PHF21B: variants seen among roughly 807,000 people sequenced by gnomAD.
PHF21B encodes the protein PHD finger protein 21B, also known as PHD finger protein 4.
In PHF21B, 22 loss-of-function variants were observed where a neutral mutation model predicts 62.2. That is an observed-to-expected ratio of 0.35 (90% CI 0.25 to 0.51). The LOEUF (loss-of-function observed/expected upper bound fraction) is 0.51, where lower values mean the gene tolerates loss of function less well. PHF21B is among the 20% of genes least tolerant of loss of function. The pLI, the probability that PHF21B is intolerant of heterozygous loss-of-function variation, is 0.97. For missense variants in PHF21B, 701 were observed against 707.9 expected, an observed-to-expected ratio of 0.99 and a Z score of 0.11; for synonymous variants, 341 against 314.7, an observed-to-expected ratio of 1.08 and a Z score of -0.88.
intron 5 of PHF21B, among the ~76,000 whole-genome samples, chr22:44,908,088 C>T (rs957366266): frequency 6.6e-6 from 1 of 152,210 alleles, no homozygotes; most frequent in Non-Finnish European, 1.5e-5. Context: ...TATCGGGCAG[C>T]CTCTTCACGA....
At chr22:44,948,550 G>A (rs2072125609) in intron 2 of PHF21B, among the ~76,000 whole-genome samples, 1 of 152,140 alleles carries the variant, frequency 6.6e-6, no homozygotes, top group Admixed American at 6.5e-5. Flanking sequence ...ATTTAGCTAG[G>A]TGTGGTGGTG....
At chr22:44,948,230 G>T (rs984262360) in intron 2 of PHF21B, among the ~76,000 whole-genome samples, 1 of 152,094 alleles carries the variant, frequency 6.6e-6, no homozygotes, top group African/African-American at 2.4e-5. Flanking sequence ...ATAATTACAC[G>T]ACTCACCATA....
intron 2 of PHF21B, among the ~76,000 whole-genome samples, chr22:44,958,963 G>T (rs116175901): frequency 6.6e-6 from 1 of 151,880 alleles, no homozygotes; most frequent in Non-Finnish European, 1.5e-5. Context: ...ATTTAACTGC[G>T]CAATCTACAT....
At chr22:44,978,610 C>T (rs922129917) in intron 2 of PHF21B, among the ~76,000 whole-genome samples, 29 of 152,346 alleles carry the variant, frequency 1.9e-4, no homozygotes, top group African/African-American at 5.8e-4. Flanking sequence ...CCACCCGCCT[C>T]GGTCTCCCAA....
chr22:44,907,606 C>A (rs944191549), intron 5 of PHF21B, among the ~76,000 whole-genome samples: 9 of 152,194 alleles, frequency 5.9e-5, no homozygotes, highest in Non-Finnish European at 1.3e-4. Flanking sequence ...CACAAAAGGA[C>A]AGGCCCTTCA....
intron 5 of PHF21B, among the ~76,000 whole-genome samples, chr22:44,904,295 T>A (rs533014569): frequency 6.6e-6 from 1 of 152,314 alleles, no homozygotes; most frequent in African/African-American, 2.4e-5. Flanking sequence ...CTGGATTTTT[T>A]TTTTCAGTCT....
intron 5 of PHF21B, among the ~76,000 whole-genome samples, chr22:44,903,101 G>C (rs78538518): frequency 1.3e-5 from 2 of 152,288 alleles, no homozygotes; most frequent in Admixed American, 6.5e-5. Context: ...ATCCCTCCAG[G>C]AGACATATTT....
At chr22:44,905,910 T>C (rs184409851) in intron 5 of PHF21B, among the ~76,000 whole-genome samples, 1 of 152,362 alleles carries the variant, frequency 6.6e-6, no homozygotes, top group East Asian at 1.9e-4. Flanking sequence ...ACAATTTCTT[T>C]CTTTTTCTCT....
chr22:44,933,404 C>T (rs750466684), intron 2 of PHF21B: 26 of 956,384 alleles, frequency 2.7e-5, no homozygotes, highest in African/African-American at 3.5e-5. Context: ...AGCCACTGCG[C>T]TCGGCCTCTT....
chr22:44,891,675 G>A (rs2070968590), intron 7 of PHF21B, among the ~76,000 whole-genome samples: 1 of 152,222 alleles, frequency 6.6e-6, no homozygotes, highest in Non-Finnish European at 1.5e-5. Flanking sequence ...TCAGTCACAT[G>A]GTGCATGTTA....
Position 44,969,665 on chromosome 22 carries a change from CAAAAAAAAAGAA to C in PHF21B, c.120+38868_120+38879del, listed in dbSNP as rs897796454. Among the ~76,000 whole-genome samples the C allele has an allele frequency of 7.2e-4, 107 of 148,362 alleles. 1 individual carries two copies. The highest frequency in any genetic ancestry group is 3.4e-3 in the Middle Eastern group (1 of 294). ...TGGGTCATACAGCGAGACTCAGTCT[CAAAAAAAAAGAA>C]AAAGAAAAAGAAAAATGGAGCCATT... is the stretch of plus-strand genomic sequence containing the variant. On this transcript the variant is annotated intron_variant, in intron 2 of 12. Transcript: ENST00000313237.
intron 10 of PHF21B, among the ~76,000 whole-genome samples, chr22:44,887,093 T>G (rs1601562991): frequency 7.2e-6 from 1 of 138,208 alleles, no homozygotes; most frequent in African/African-American, 2.8e-5. Flanking sequence ...AAGGCAGAGG[T>G]GGCAGTGAGC....
intron 2 of PHF21B, among the ~76,000 whole-genome samples, chr22:44,995,725 C>G (rs1477658500): frequency 6.6e-6 from 1 of 152,084 alleles, no homozygotes; most frequent in Non-Finnish European, 1.5e-5. Flanking sequence ...GGTATGTCGG[C>G]ACCTTCCGAG....
At position 44,916,306 on chromosome 22, in the gene PHF21B, G is replaced by A; in HGVS notation, c.538C>T (p.Pro180Ser). The change falls in exon 4 of 13, where the codon CCC (proline) becomes TCC (serine). Residue 180 changes from proline (P) to serine (S), a missense_variant. Transcript: ENST00000313237. ...TTGTTGTCAGCACTGATGAGGAGGG[G>A]CTGGACTTTGATGCTGTCACTGACC... ...SVVSDSIKVQ[P>S]LLISADNKPP... The A allele has an allele frequency of 1.9e-6, 3 of 1,603,354 alleles. No homozygotes were observed. Among genetic ancestry groups the A allele is most frequent in the Non-Finnish European group, 2.5e-6 (3 of 1,177,840 alleles).
intron 2 of PHF21B, among the ~76,000 whole-genome samples, chr22:45,007,371 G>A (rs2073336227): frequency 1.3e-5 from 2 of 151,004 alleles, no homozygotes; most frequent in South Asian, 4.2e-4. Context: ...CCCTACGCCA[G>A]AAAATCCCCC....
At chr22:44,905,025 T>G (rs1255543558) in intron 5 of PHF21B, among the ~76,000 whole-genome samples, 1 of 152,190 alleles carries the variant, frequency 6.6e-6, no homozygotes, top group Non-Finnish European at 1.5e-5. Flanking sequence ...ATCTCTAGCC[T>G]CCTAGATTTG....
chr22:44,890,421 C>T (rs1039093513), intron 8 of PHF21B, among the ~76,000 whole-genome samples: 15 of 152,176 alleles, frequency 9.9e-5, no homozygotes, highest in African/African-American at 2.9e-4. Context: ...TGCCACCCAG[C>T]GGGAGAACAG....
chr22:44,963,008 C>T (rs1764764620), intron 2 of PHF21B, among the ~76,000 whole-genome samples: 1 of 152,248 alleles, frequency 6.6e-6, no homozygotes. Flanking sequence ...TCATCCGGTT[C>T]TTTCAACAAC....
chr22:44,950,317 A>T (rs1442717912), intron 2 of PHF21B, among the ~76,000 whole-genome samples: 1 of 152,236 alleles, frequency 6.6e-6, no homozygotes, highest in Non-Finnish European at 1.5e-5. Context: ...ATTGTGCCTC[A>T]ATACCCTCTG....
Sources: gnomAD v4.1 joint callset for allele counts (sites outside exome capture counted in the v4.1 genomes callset) on GRCh38, gnomAD v4.1.1 for gene constraint, MANE v1.5 for transcripts, NCBI Gene and HGNC (gene_info 2026-07-23, HGNC 2026-07-21) for gene names.